Variants in PDE10A observed in about 807,000 individuals in gnomAD.
PDE10A encodes the protein phosphodiesterase 10A.
Under a neutral mutation model 97.7 loss-of-function variants are expected in PDE10A, and 39 were observed. The observed-to-expected ratio is 0.40, with a 90% confidence interval of 0.31 to 0.52. The LOEUF (loss-of-function observed/expected upper bound fraction) is 0.52. PDE10A is among the 20% of genes least tolerant of loss of function. PDE10A has a pLI of 0.56. For missense variants in PDE10A, 731 were observed against 1,047.8 expected, an observed-to-expected ratio of 0.70 and a Z score of 4.17; for synonymous variants, 371 against 376.8, an observed-to-expected ratio of 0.98 and a Z score of 0.18.
At chr6:165,763,547 T>G (rs1793302913) in intron 1 of PDE10A, among the ~76,000 whole-genome samples, 1 of 152,224 alleles carries the variant, frequency 6.6e-6, no homozygotes, top group Non-Finnish European at 1.5e-5. Flanking sequence ...GGTCTCGAAC[T>G]CCTGACCTCA....
chr6:165,883,401 G>C (rs779612531), intron 1 of PDE10A, among the ~76,000 whole-genome samples: 1 of 152,058 alleles, frequency 6.6e-6, no homozygotes, highest in Non-Finnish European at 1.5e-5. Context: ...AAATGGCCCA[G>C]AATGGTGACA....
chr6:165,333,275 A>G (rs1026388190), intron 21 of PDE10A, 148 bp from the exon 22 acceptor site: 1 of 624,876 alleles, frequency 1.6e-6, no homozygotes, highest in Non-Finnish European at 2.9e-6. Context: ...CGACGTGGCC[A>G]GGCAGGTTCC....
At chr6:165,439,724 T>C (rs1554262632) in intron 5 of PDE10A, among the ~76,000 whole-genome samples, 2 of 152,202 alleles carry the variant, frequency 1.3e-5, no homozygotes, top group Non-Finnish European at 1.5e-5. Context: ...CTAGAAAAGA[T>C]TGGGCGCACA....
chr6:165,470,215 T>A (rs1778907137), intron 3 of PDE10A, among the ~76,000 whole-genome samples: 1 of 152,198 alleles, frequency 6.6e-6, no homozygotes, highest in East Asian at 1.9e-4. Flanking sequence ...AGGGAGGCAG[T>A]GGAGTTTCAA....
intron 2 of PDE10A, among the ~76,000 whole-genome samples, chr6:165,517,923 C>T (rs910977494): frequency 1.2e-4 from 18 of 151,930 alleles, no homozygotes; most frequent in African/African-American, 4.4e-4. Flanking sequence ...TCCATGTGTC[C>T]GGTGCTAATC....
intron 16 of PDE10A, among the ~76,000 whole-genome samples, chr6:165,391,084 A>T (rs1013968120): frequency 2.0e-4 from 30 of 152,188 alleles, no homozygotes; most frequent in Non-Finnish European, 3.4e-4. Flanking sequence ...GACTTTCAGT[A>T]GTTTTATTAA....
chr6:165,726,076 G>C (rs1228779646), intron 1 of PDE10A, among the ~76,000 whole-genome samples: 1 of 152,182 alleles, frequency 6.6e-6, no homozygotes, highest in Non-Finnish European at 1.5e-5. Context: ...ATATAGACAA[G>C]AACATAATAT....
intron 2 of PDE10A, among the ~76,000 whole-genome samples, chr6:165,500,925 C>T (rs1780836460): frequency 6.6e-6 from 1 of 152,080 alleles, no homozygotes; most frequent in African/African-American, 2.4e-5. Context: ...TGTGTACGTG[C>T]ACATCAAGGC....
chr6:165,741,071 C>T (rs1792708771), intron 1 of PDE10A, among the ~76,000 whole-genome samples: 1 of 152,070 alleles, frequency 6.6e-6, no homozygotes, highest in Non-Finnish European at 1.5e-5. Flanking sequence ...GTTAATAATA[C>T]TGTCTTGTAT....
chr6:165,860,463 A>G (rs1416948990), intron 1 of PDE10A, among the ~76,000 whole-genome samples: 3 of 152,128 alleles, frequency 2.0e-5, no homozygotes, highest in African/African-American at 7.2e-5. Flanking sequence ...AAAACAAAAA[A>G]CAAAACAAAA....
intron 1 of PDE10A, among the ~76,000 whole-genome samples, chr6:165,779,226 C>T (rs1264070302): frequency 6.6e-6 from 1 of 152,164 alleles, no homozygotes; most frequent in Non-Finnish European, 1.5e-5. Flanking sequence ...CAAAGTTCCC[C>T]AAACCTTCCT....
chr6:165,820,329 A>G (rs986182607), intron 1 of PDE10A, among the ~76,000 whole-genome samples: 2 of 152,274 alleles, frequency 1.3e-5, no homozygotes, highest in African/African-American at 4.8e-5. Flanking sequence ...AAAGAAGAAT[A>G]GGAATCTTTT....
chr6:165,963,015 A>G (rs936261801), intron 1 of PDE10A, among the ~76,000 whole-genome samples: 1 of 152,264 alleles, frequency 6.6e-6, no homozygotes, highest in Non-Finnish European at 1.5e-5. Flanking sequence ...TAACCAGCCA[A>G]TCTTACAAAA....
At chr6:165,968,870 C>A (rs759586972) in intron 1 of PDE10A, among the ~76,000 whole-genome samples, 1 of 152,306 alleles carries the variant, frequency 6.6e-6, no homozygotes, top group Non-Finnish European at 1.5e-5. Flanking sequence ...GACCAGGCTG[C>A]GGGCTTGAAC....
chr6:165,731,528 G>A (rs1014418693), intron 1 of PDE10A, among the ~76,000 whole-genome samples: 4 of 152,228 alleles, frequency 2.6e-5, no homozygotes, highest in African/African-American at 9.6e-5. Context: ...GAGCAGAATA[G>A]AAAGAGAAGA....
chr6:165,771,329 C>A lies in PDE10A; in HGVS notation c.-615+216200G>T, dbSNP rs571128145. Among the ~76,000 whole-genome samples the A allele has an allele frequency of 2.4e-4, 37 of 152,230 alleles. 1 individual carries two copies. The highest frequency in any genetic ancestry group is 8.7e-4 in the African/African-American group (36 of 41,512). On this transcript the variant is annotated intron_variant, in intron 1 of 19. Transcript: ENST00000366882. Reference sequence around the variant, plus strand: ...TCCACCTAATGACACAGGGTATCAACCTCTCAACCACACAGAGACACTGCC... The same window carrying A: ...TCCACCTAATGACACAGGGTATCAAACTCTCAACCACACAGAGACACTGCC...
chr6:165,407,338 T>G (rs2128223786), intron 13 of PDE10A, among the ~76,000 whole-genome samples: 1 of 152,306 alleles, frequency 6.6e-6, no homozygotes. Flanking sequence ...TATCACATAC[T>G]TGCTATGTGC....
At chr6:165,956,650 G>C (rs555803424) in intron 1 of PDE10A, among the ~76,000 whole-genome samples, 5 of 152,334 alleles carry the variant, frequency 3.3e-5, no homozygotes, top group African/African-American at 1.2e-4. Context: ...AGATTTACCA[G>C]ATCCTGCCTT....
At chr6:165,596,736 C>CA (rs987212120) in intron 1 of PDE10A, among the ~76,000 whole-genome samples, 27 of 151,518 alleles carry the variant, frequency 1.8e-4, no homozygotes, top group African/African-American at 4.8e-4. Context: ...CACACACACA[C>CA]AAAAAAAATA....
Sources: gnomAD v4.1 joint callset for allele counts (sites outside exome capture counted in the v4.1 genomes callset) on GRCh38, gnomAD v4.1.1 for gene constraint, MANE v1.5 for transcripts, NCBI Gene and HGNC (gene_info 2026-07-23, HGNC 2026-07-21) for gene names.